The following LARGE1 variants were observed in gnomAD, a reference collection of about 807,000 sequenced individuals.
LARGE1 encodes xylosyl- and glucuronyltransferase LARGE1.
Under a neutral mutation model 87.6 loss-of-function variants are expected in LARGE1, and 43 were observed. The ratio of observed to expected loss-of-function variants is 0.49; its 90% confidence interval spans 0.38 to 0.63. The LOEUF (loss-of-function observed/expected upper bound fraction) is 0.63. LARGE1 is among the 30% of genes least tolerant of loss of function. LARGE1 has a pLI of 0.00. For synonymous variants in LARGE1, 434 were observed against 394.6 expected, an observed-to-expected ratio of 1.10 and a Z score of -1.18; for missense variants, 802 against 1,000.2, an observed-to-expected ratio of 0.80 and a Z score of 2.67.
At chr22:33,698,969 A>G (rs2082331340) in intron 2 of LARGE1, among the ~76,000 whole-genome samples, 1 of 152,236 alleles carries the variant, frequency 6.6e-6, no homozygotes, top group African/African-American at 2.4e-5. Flanking sequence ...TGACTGGCAC[A>G]TAGCACGAAC....
chr22:33,100,349 C>CAA, the LARGE1 span, among the ~76,000 whole-genome samples: 258 of 64,612 alleles, frequency 4.0e-3, 1 homozygote, highest in Non-Finnish European at 5.4e-3. Context: ...GACTCCATCT[C>CAA]AAAAAAAAAA....
intron 10 of LARGE1, among the ~76,000 whole-genome samples, chr22:33,336,826 C>T (rs556386837): frequency 1.3e-5 from 2 of 152,124 alleles, no homozygotes; most frequent in South Asian, 4.2e-4. Flanking sequence ...CTTTGGGAGG[C>T]CAAGGCAGGC....
the LARGE1 span, among the ~76,000 whole-genome samples, chr22:33,143,354 CA>C: frequency 4.6e-5 from 7 of 151,846 alleles, no homozygotes; most frequent in African/African-American, 9.7e-5. Flanking sequence ...CTCATGAGAC[CA>C]AAAAATCAAA....
chr22:33,814,551 CA>C (rs2086593811), intron 1 of LARGE1, among the ~76,000 whole-genome samples: 1 of 152,152 alleles, frequency 6.6e-6, no homozygotes, highest in Admixed American at 6.6e-5. Flanking sequence ...CTCATCTAAT[CA>C]GCTGAAGGCC....
chr22:33,366,552 T>C (rs1307423467), intron 9 of LARGE1, among the ~76,000 whole-genome samples: 2 of 152,240 alleles, frequency 1.3e-5, no homozygotes, highest in Non-Finnish European at 1.5e-5. Flanking sequence ...AATGATATAT[T>C]ATCTATTTTA....
At chr22:33,484,131 A>G (rs2069462903) in intron 6 of LARGE1, among the ~76,000 whole-genome samples, 1 of 152,152 alleles carries the variant, frequency 6.6e-6, no homozygotes, top group Non-Finnish European at 1.5e-5. Context: ...GACAACAGAC[A>G]CCTTGGGGAA....
chr22:33,232,021 T>G (rs373309157), intron 11 of LARGE1, among the ~76,000 whole-genome samples: 1 of 152,204 alleles, frequency 6.6e-6, no homozygotes, highest in African/African-American at 2.4e-5. Context: ...GATGAGGAAA[T>G]TGTTAACTCA....
At chr22:33,401,418 G>C (rs1338010773) in intron 7 of LARGE1, among the ~76,000 whole-genome samples, 2 of 152,140 alleles carry the variant, frequency 1.3e-5, no homozygotes, top group African/African-American at 4.8e-5. Flanking sequence ...ACATCCTCGT[G>C]TGCTGTGAAG....
At chr22:33,313,222 T>C (rs1935796060) in intron 11 of LARGE1, among the ~76,000 whole-genome samples, 1 of 152,144 alleles carries the variant, frequency 6.6e-6, no homozygotes, top group African/African-American at 2.4e-5. Context: ...CCCGTGAACA[T>C]GCTGCACGCT....
At chr22:33,073,161 G>T in the LARGE1 span, among the ~76,000 whole-genome samples, 2 of 152,130 alleles carry the variant, frequency 1.3e-5, no homozygotes, top group Non-Finnish European at 2.9e-5. Flanking sequence ...TTCTGTTCAG[G>T]AAAAGACAGA....
At chr22:33,888,690 T>C (rs2064925800) in intron 1 of LARGE1, among the ~76,000 whole-genome samples, 1 of 151,152 alleles carries the variant, frequency 6.6e-6, no homozygotes, top group Non-Finnish European at 1.5e-5. Context: ...ACCCCATCTC[T>C]ACTAAAAATA....
intron 7 of LARGE1, among the ~76,000 whole-genome samples, chr22:33,429,508 A>G (rs1013740609): frequency 4.6e-5 from 7 of 152,118 alleles, no homozygotes; most frequent in African/African-American, 1.7e-4. Context: ...GAGACATGCC[A>G]TTTTGGTTGT....
intron 11 of LARGE1, among the ~76,000 whole-genome samples, chr22:33,205,422 T>C (rs1030186364): frequency 6.6e-6 from 1 of 152,176 alleles, no homozygotes; most frequent in Non-Finnish European, 1.5e-5. Flanking sequence ...ATGAAAAAGG[T>C]CTCTGTTCTT....
At chr22:33,314,672 C>G (rs947252160) in intron 11 of LARGE1, among the ~76,000 whole-genome samples, 2 of 152,116 alleles carry the variant, frequency 1.3e-5, no homozygotes, top group African/African-American at 4.8e-5. Context: ...TGATGTGGCT[C>G]AAAAGACAGA....
intron 5 of LARGE1, among the ~76,000 whole-genome samples, chr22:33,574,828 T>TG (rs2078305878): frequency 6.6e-6 from 1 of 151,850 alleles, no homozygotes; most frequent in Non-Finnish European, 1.5e-5. Context: ...GATCAAATGT[T>TG]GGAGAAGACC....
intron 6 of LARGE1, among the ~76,000 whole-genome samples, chr22:33,494,531 CTATTT>C (rs555415188): frequency 1.3e-3 from 191 of 152,320 alleles, no homozygotes; most frequent in Admixed American, 2.3e-3. Context: ...CCACCATATT[CTATTT>C]TAATTGGTTA....
intron 1 of LARGE1, among the ~76,000 whole-genome samples, chr22:33,832,878 A>G (rs2063011493): frequency 6.6e-6 from 1 of 152,256 alleles, no homozygotes; most frequent in Non-Finnish European, 1.5e-5. Flanking sequence ...GCTAAATGTT[A>G]TTAGACGACT....
intron 6 of LARGE1, among the ~76,000 whole-genome samples, chr22:33,459,034 T>C (rs2068256057): frequency 6.6e-6 from 1 of 151,332 alleles, no homozygotes; most frequent in Non-Finnish European, 1.5e-5. Context: ...TCTTCTAAAA[T>C]AAAAAAAAGT....
intron 10 of LARGE1, among the ~76,000 whole-genome samples, chr22:33,332,262 T>G (rs1937817786): frequency 6.6e-6 from 1 of 152,150 alleles, no homozygotes. Context: ...CTCATGATAG[T>G]GAATAAGTCT....
Sources: gnomAD v4.1 joint callset for allele counts (sites outside exome capture counted in the v4.1 genomes callset) on GRCh38, gnomAD v4.1.1 for gene constraint, MANE v1.5 for transcripts, NCBI Gene and HGNC (gene_info 2026-07-23, HGNC 2026-07-21) for gene names.